Variants in LPAR1 observed in about 807,000 individuals in gnomAD.
The protein encoded by LPAR1 is lysophosphatidic acid receptor 1, also known as LPA receptor 1.
In LPAR1, 5 loss-of-function variants were observed where a neutral mutation model predicts 23.8. The observed-to-expected ratio is 0.21, with a 90% CI of 0.11 to 0.44. The LOEUF is 0.44. Among genes scored for constraint, LPAR1 ranks in the 20% least tolerant of loss-of-function variants. The pLI is 0.99. For synonymous variants in LPAR1, 160 were observed against 164.7 expected (o/e 0.97, Z 0.22); for missense variants, 311 against 482.8 (o/e 0.64, Z 3.33).
chr9:110,885,525 A>T (rs1210508363), intron 5 of LPAR1, among the ~76,000 whole-genome samples: 1 of 152,212 alleles, frequency 6.6e-6, no homozygotes, highest in African/African-American at 2.4e-5. Flanking sequence ...AAGCAGCACA[A>T]CCACCTAATT....
Position 110,879,417 on chromosome 9 carries a change from CAAAAAA to C in LPAR1, c.794-3701_794-3696del, listed in dbSNP as rs71371692. 1.5e-3 allele frequency among the ~76,000 whole-genome samples: 70 copies of C among 47,178 alleles called. 1 individual carries two copies. Among genetic ancestry groups the C allele is most frequent in the African/African-American group, 6.5e-3 (66 of 10,112 alleles). 31.0% of individuals were successfully genotyped at this position (47,178 alleles called of 152,430 possible). On this transcript the variant is annotated intron_variant, in intron 5 of 5. Transcript: ENST00000683809. ...TGAGTGACAGAGCAAGACTCCATCT[CAAAAAA>C]AAAAAAAAAAAAAAAAAAGGATGAA... is the stretch of plus-strand genomic sequence containing the variant.
intron 2 of LPAR1, among the ~76,000 whole-genome samples, chr9:111,019,049 A>G (rs1462168532): frequency 2.6e-5 from 4 of 152,232 alleles, no homozygotes; most frequent in Non-Finnish European, 5.9e-5. Context: ...ATAGAACATA[A>G]TAGAAATAGG....
intron 5 of LPAR1, among the ~76,000 whole-genome samples, chr9:110,926,321 A>G (rs1344448561): frequency 6.6e-6 from 1 of 152,260 alleles, no homozygotes; most frequent in Non-Finnish European, 1.5e-5. Context: ...ATGAACAAGC[A>G]AATGATTGAT....
Position 111,012,463 on chromosome 9 carries a change from ACGCG to A in LPAR1, c.-182+23655_-182+23658del, listed in dbSNP as rs148908097. Among the ~76,000 whole-genome samples, 13 of 130,540 alleles carry A rather than the reference ACGCG, an allele frequency of 1.0e-4. No individual in the cohort carries two copies. In the South Asian group the frequency reaches 1.7e-3, roughly 17 times the overall value. 85.6% of individuals were successfully genotyped at this position (130,540 alleles called of 152,430 possible). On this transcript the variant is annotated intron_variant, in intron 2 of 5. Transcript: ENST00000683809. ...CACAAACACACACATGCATGTACGC[ACGCG>A]CGCACACACACACACACACACACAC...
At chr9:110,998,774 T>G (rs138334203) in intron 2 of LPAR1, among the ~76,000 whole-genome samples, 129 of 152,278 alleles carry the variant, frequency 8.5e-4, no homozygotes, top group Non-Finnish European at 1.6e-3. Context: ...AACTGGACAA[T>G]AGGTCTGAGG....
At chr9:110,966,654 T>A (rs1032426777) in intron 4 of LPAR1, among the ~76,000 whole-genome samples, 5 of 151,752 alleles carry the variant, frequency 3.3e-5, no homozygotes, top group Admixed American at 3.3e-4. Context: ...AAATGAAAAT[T>A]AAAAAATAAC....
At chr9:110,977,796 G>C (rs1487210204) in intron 2 of LPAR1, among the ~76,000 whole-genome samples, 1 of 89,774 alleles carries the variant, frequency 1.1e-5, no homozygotes. Context: ...AAGAAGGAAG[G>C]AAGGAAGGAA....
At position 110,941,332 on chromosome 9, in the gene LPAR1, T is replaced by C. The variant is rs2095087787; in HGVS notation, c.793+89A>G. 4.2e-6 allele frequency: 5 copies of C among 1,195,616 alleles called. No homozygotes were observed. Among genetic ancestry groups the C allele is most frequent in the African/African-American group, 1.5e-5 (1 of 65,800 alleles). The allele number at this position is 1,195,616 out of a possible 1,614,324, so 74.1% of individuals were successfully genotyped here. A position where few individuals can be genotyped will look rare whatever the true frequency, so the allele number is the denominator to read the frequency against. Reference sequence around the variant, plus strand: ...TGGTGAATTACCTGGTGAATATTCATACTGTTGGTTACCTCTGACATAAAA... The same window carrying C: ...TGGTGAATTACCTGGTGAATATTCACACTGTTGGTTACCTCTGACATAAAA... On this transcript the variant is annotated intron_variant, in intron 5 of 5. Transcript: ENST00000683809. This position sits in a 1 kb window ranked among gnomAD's most constrained non-coding sequence, Gnocchi z 6.1.
At chr9:111,011,818 C>T (rs1040162548) in intron 2 of LPAR1, among the ~76,000 whole-genome samples, 1 of 152,182 alleles carries the variant, frequency 6.6e-6, no homozygotes, top group Non-Finnish European at 1.5e-5. Context: ...AAAATGTCTA[C>T]AGTTTGATAA....
chr9:110,953,584 A>AC (rs2095639947), intron 4 of LPAR1, among the ~76,000 whole-genome samples: 1 of 151,450 alleles, frequency 6.6e-6, no homozygotes, highest in Non-Finnish European at 1.5e-5. Flanking sequence ...AATGGCTTGA[A>AC]CCCAGGAGGC....
intron 5 of LPAR1, among the ~76,000 whole-genome samples, chr9:110,890,383 T>C (rs1248590771): frequency 1.3e-5 from 2 of 152,226 alleles, no homozygotes; most frequent in Non-Finnish European, 2.9e-5. Flanking sequence ...TATTACTTCC[T>C]ATGGAATTTA....
At chr9:111,006,523 A>G (rs1399215213) in intron 2 of LPAR1, among the ~76,000 whole-genome samples, 1 of 152,182 alleles carries the variant, frequency 6.6e-6, no homozygotes, top group Non-Finnish European at 1.5e-5. Context: ...TATATTACCA[A>G]TTCCATGCCA....
At chr9:110,975,669 C>A (rs2096539534) in intron 2 of LPAR1, among the ~76,000 whole-genome samples, 1 of 152,190 alleles carries the variant, frequency 6.6e-6, no homozygotes, top group South Asian at 2.1e-4. Context: ...AGATGACCTG[C>A]AGAGTAACCC....
chr9:111,009,012 GAACA>G (rs2097274051), intron 2 of LPAR1, among the ~76,000 whole-genome samples: 2 of 152,016 alleles, frequency 1.3e-5, no homozygotes, highest in African/African-American at 2.4e-5. Context: ...TCATCAAAAA[GAACA>G]AACAGTCGAA....
chr9:110,904,927 C>T (rs930233968), intron 5 of LPAR1, among the ~76,000 whole-genome samples: 8 of 152,200 alleles, frequency 5.3e-5, no homozygotes, highest in Non-Finnish European at 1.0e-4. Context: ...CTCTCACAAA[C>T]CCCAGAGTAG....
chr9:111,009,471 AATAT>A (rs961563796), intron 2 of LPAR1, among the ~76,000 whole-genome samples: 2 of 152,194 alleles, frequency 1.3e-5, no homozygotes, highest in African/African-American at 4.8e-5. Flanking sequence ...GCCACAAAGC[AATAT>A]ATACTTGTGT....
chr9:111,037,460 A>G (rs1047860936), intron 1 of LPAR1, among the ~76,000 whole-genome samples: 1 of 152,198 alleles, frequency 6.6e-6, no homozygotes, highest in African/African-American at 2.4e-5. Context: ...GAAAAACAAG[A>G]ATAAACTTTA....
chr9:111,007,809 C>G (rs73541446), intron 2 of LPAR1, among the ~76,000 whole-genome samples: 1,553 of 152,234 alleles, frequency 0.01, 19 homozygotes, highest in African/African-American at 0.032. Flanking sequence ...TGCTAACATA[C>G]CTATTGAAGA....
chr9:111,008,561 C>T (rs2097264700), intron 2 of LPAR1, among the ~76,000 whole-genome samples: 1 of 152,172 alleles, frequency 6.6e-6, no homozygotes, highest in African/African-American at 2.4e-5. Flanking sequence ...AGATCAAAGA[C>T]CTCTGCAAAA....
Sources: allele counts gnomAD v4.1 joint callset (sites outside exome capture counted in the v4.1 genomes callset), GRCh38; gene constraint gnomAD v4.1.1; non-coding constraint Gnocchi (gnomAD v3.1); transcripts MANE v1.5; gene names NCBI Gene and HGNC (gene_info 2026-07-23, HGNC 2026-07-21).